Variants in RAPGEF4 observed in about 807,000 individuals in gnomAD.
RAPGEF4 encodes Rap guanine nucleotide exchange factor 4, also known as RAP guanine-nucleotide-exchange factor (GEF) 4.
A neutral mutation model predicts 147.9 loss-of-function variants in RAPGEF4; 66 were observed. The ratio of observed to expected loss-of-function variants is 0.45; its 90% confidence interval spans 0.37 to 0.55. The LOEUF (loss-of-function observed/expected upper bound fraction) is 0.55. Among genes scored for constraint, RAPGEF4 ranks in the 20% least tolerant of loss-of-function variants. RAPGEF4 has a pLI of 0.00. For synonymous variants in RAPGEF4, 419 were observed against 442.7 expected, an observed-to-expected ratio of 0.95 and a Z score of 0.67; for missense variants, 1,071 against 1,257.3, an observed-to-expected ratio of 0.85 and a Z score of 2.24.
At chr2:172,839,740 G>A (rs1289447981) in intron 4 of RAPGEF4, among the ~76,000 whole-genome samples, 1 of 152,128 alleles carries the variant, frequency 6.6e-6, no homozygotes, top group Admixed American at 6.6e-5. Flanking sequence ...ACATACCTCT[G>A]ACAGCTTTAT....
chr2:172,917,713 C>A, intron 4 of RAPGEF4, 89 bp from the exon 5 acceptor site: 1 of 1,136,748 alleles, frequency 8.8e-7, no homozygotes, highest in East Asian at 2.3e-5. Flanking sequence ...CTTCCTGACA[C>A]CCAGCATTTC....
chr2:172,841,375 A>T (rs551487369), intron 4 of RAPGEF4, among the ~76,000 whole-genome samples: 8 of 152,324 alleles, frequency 5.3e-5, no homozygotes, highest in African/African-American at 1.9e-4. Context: ...CACTGGAAGC[A>T]GATGTTGGTG....
chr2:172,891,923 G>A (rs1431707784), intron 4 of RAPGEF4, among the ~76,000 whole-genome samples: 1 of 152,178 alleles, frequency 6.6e-6, no homozygotes, highest in Non-Finnish European at 1.5e-5. Flanking sequence ...AGGGGAAGAA[G>A]AGCTGTCTTT....
chr2:172,793,956 T>C (rs10180877), intron 1 of RAPGEF4, among the ~76,000 whole-genome samples: 51,796 of 151,682 alleles, frequency 0.34, 9,294 homozygotes, highest in Middle Eastern at 0.47. Context: ...GGCAATATGA[T>C]GAAACCCCGC....
At chr2:172,859,420 A>G (rs1693777160) in intron 4 of RAPGEF4, among the ~76,000 whole-genome samples, 1 of 152,266 alleles carries the variant, frequency 6.6e-6, no homozygotes, top group Admixed American at 6.5e-5. Context: ...GATTTTAAAC[A>G]TGTTTTAAAG....
At chr2:173,015,230 G>C (rs1695399436) in intron 18 of RAPGEF4, among the ~76,000 whole-genome samples, 3 of 152,162 alleles carry the variant, frequency 2.0e-5, no homozygotes, top group Non-Finnish European at 4.4e-5. Context: ...GGAAATGGTA[G>C]GCTGTGAAAG....
chr2:172,938,540 A>T (rs1575310794), intron 6 of RAPGEF4, among the ~76,000 whole-genome samples: 1 of 151,880 alleles, frequency 6.6e-6, no homozygotes, highest in Non-Finnish European at 1.5e-5. Context: ...CTCACGCTCC[A>T]CTCATTTCTT....
intron 1 of RAPGEF4, among the ~76,000 whole-genome samples, chr2:172,747,606 T>C (rs1372139119): frequency 6.6e-6 from 1 of 152,162 alleles, no homozygotes; most frequent in Admixed American, 6.5e-5. Context: ...GCTGGGACTA[T>C]AGGCACCTAC....
At chr2:172,735,731 C>CGCAGT (rs1693681113), upstream of RAPGEF4, 1 of 165,892 alleles carries the variant, frequency 6.0e-6, no homozygotes, top group East Asian at 1.8e-4. Flanking sequence ...CCACGGGCGC[C>CGCAGT]GCAGTGCAGC....
chr2:172,775,713 AC>A (rs1423282712), intron 1 of RAPGEF4, among the ~76,000 whole-genome samples: 1 of 143,958 alleles, frequency 6.9e-6, no homozygotes, highest in Non-Finnish European at 1.5e-5. Flanking sequence ...AAAAGGTCAA[AC>A]TTTTGTCTAA....
intron 1 of RAPGEF4, among the ~76,000 whole-genome samples, chr2:172,785,908 G>A (rs1248776998): frequency 1.3e-5 from 2 of 152,124 alleles, no homozygotes; most frequent in Non-Finnish European, 2.9e-5. Context: ...CCACTAAGGG[G>A]TCTACTCAGC....
At chr2:172,883,962 G>A (rs951430609) in intron 4 of RAPGEF4, among the ~76,000 whole-genome samples, 8 of 152,104 alleles carry the variant, frequency 5.3e-5, no homozygotes, top group East Asian at 1.9e-4. Context: ...TTATATCTAC[G>A]GTCAGTGAAA....
At chr2:173,047,740 G>A (rs987967536) in intron 29 of RAPGEF4, among the ~76,000 whole-genome samples, 6 of 151,390 alleles carry the variant, frequency 4.0e-5, no homozygotes, top group African/African-American at 1.5e-4. Context: ...GCAGTGGCGC[G>A]ATCTCGGCTC....
chr2:173,043,655 T>C (rs1559207494), intron 29 of RAPGEF4, among the ~76,000 whole-genome samples: 1 of 152,160 alleles, frequency 6.6e-6, no homozygotes, highest in Non-Finnish European at 1.5e-5. Context: ...CATGTCTTTA[T>C]AGGAGTGAAA....
At chr2:172,873,167 C>T (rs1991173) in intron 4 of RAPGEF4, among the ~76,000 whole-genome samples, 85,478 of 151,948 alleles carry the variant, frequency 0.56, 24,544 homozygotes, top group East Asian at 0.83. Flanking sequence ...ATTCTCAATA[C>T]AGCCAGACAA....
Position 172,967,431 on chromosome 2 carries a change from AT to A in RAPGEF4, c.992del (p.Ile331ThrfsTer14). 1 of 1,611,308 alleles carries A rather than the reference AT, an allele frequency of 6.2e-7. No homozygotes were observed. Among genetic ancestry groups the A allele is most frequent in the Non-Finnish European group, 8.5e-7 (1 of 1,179,470 alleles). On this transcript the variant is annotated frameshift_variant, in exon 10 of 31. Transcript: ENST00000397081. LOFTEE classifies it high-confidence loss of function. Reference sequence around the variant, plus strand: ...GGGCCCCGACGCCCACATGAGGATGATCCTTCGCAAACCGTGAGTGAGAGCT... The same window carrying A: ...GGGCCCCGACGCCCACATGAGGATGACCTTCGCAAACCGTGAGTGAGAGCT... ...QMGPDAHMRM[I>X]LRKPPGQRTV... is the part of the protein sequence containing the mutation.
At chr2:172,910,580 G>T (rs939541405) in intron 4 of RAPGEF4, among the ~76,000 whole-genome samples, 13 of 152,246 alleles carry the variant, frequency 8.5e-5, no homozygotes. Context: ...GCTCCACACT[G>T]TCTTGGCCTC....
intron 22 of RAPGEF4, among the ~76,000 whole-genome samples, 189 bp from the exon 23 acceptor site, chr2:173,020,429 T>C (rs1271351254): frequency 6.6e-6 from 1 of 152,218 alleles, no homozygotes; most frequent in Non-Finnish European, 1.5e-5. Context: ...TCTGAAGGCA[T>C]CCTGAGTGGC....
At chr2:172,912,238 T>G (rs1270545016) in intron 4 of RAPGEF4, among the ~76,000 whole-genome samples, 1 of 152,260 alleles carries the variant, frequency 6.6e-6, no homozygotes, top group Non-Finnish European at 1.5e-5. Flanking sequence ...CAGTCCAGGA[T>G]AGTGTAATTT....
Sources: allele counts gnomAD v4.1 joint callset (sites outside exome capture counted in the v4.1 genomes callset), GRCh38; gene constraint gnomAD v4.1.1; transcripts MANE v1.5; gene names NCBI Gene and HGNC (gene_info 2026-07-23, HGNC 2026-07-21).